CCDC47: variants seen among roughly 807,000 people sequenced by gnomAD.
CCDC47 encodes PAT complex subunit CCDC47.
CCDC47 carries 41 observed loss-of-function variants against 60.5 expected under a neutral mutation model. The observed-to-expected ratio is 0.68, with a 90% CI of 0.53 to 0.88. The LOEUF is 0.88. CCDC47 is among the 40% of genes least tolerant of loss of function. CCDC47 has a pLI of 0.00. For synonymous variants in CCDC47, 195 were observed against 190.7 expected (o/e 1.02, Z -0.18); for missense variants, 513 against 580.9 (o/e 0.88, Z 1.20).
chr17:63,765,123 C>CACAG (rs2039288228), intron 2 of CCDC47: 1 of 139,586 alleles, frequency 7.2e-6, no homozygotes. Flanking sequence ...ATTCTCACCA[C>CACAG]ACACACACAC....
At chr17:63,770,141 T>G (rs1358075362) in intron 1 of CCDC47, among the ~76,000 whole-genome samples, 1 of 151,956 alleles carries the variant, frequency 6.6e-6, no homozygotes, top group Non-Finnish European at 1.5e-5. Flanking sequence ...TTTTGTAGTT[T>G]AAGTACAGAT....
intron 9 of CCDC47, chr17:63,753,065 C>T: frequency 2.2e-6 from 1 of 451,394 alleles, no homozygotes; most frequent in Non-Finnish European, 2.9e-6. Context: ...TATTCCATCT[C>T]ACCTGGGGAG....
chr17:63,752,186 TA>T, intron 11 of CCDC47, 79 bp from the exon 12 acceptor site: 1 of 1,528,354 alleles, frequency 6.5e-7, no homozygotes, highest in Non-Finnish European at 9.0e-7. Flanking sequence ...CATTCTTTCA[TA>T]AAACTACTCC....
In CCDC47 at chr17:63,756,463, A is replaced by T; in HGVS notation, c.837+6T>A. The T allele has an allele frequency of 6.2e-7, 1 of 1,611,950 alleles. No homozygotes were observed. The highest frequency in any genetic ancestry group is 8.5e-7 in the Non-Finnish European group (1 of 1,177,984). On this transcript the variant is annotated splice_donor_region_variant and intron_variant, in intron 7 of 12. Coordinates refer to ENST00000225726, the MANE Select transcript of CCDC47 (RefSeq NM_020198.3). ...CGTATATTTGAGTTGGAGCAACCTG[A>T]CATACCAAATCCTGCATCTCTTTCT...
At chr17:63,756,173 A>T (rs1298945676) in intron 8 of CCDC47, 67 bp downstream of exon 8, 1 of 1,021,940 alleles carries the variant, frequency 9.8e-7, no homozygotes, top group Middle Eastern at 2.2e-4. Context: ...TTGTACAATG[A>T]GACTTTTAGG....
intron 1 of CCDC47, among the ~76,000 whole-genome samples, chr17:63,768,732 TA>T (rs1207458180): frequency 6.6e-6 from 1 of 150,896 alleles, no homozygotes; most frequent in Admixed American, 6.6e-5. Flanking sequence ...CCCAAGTAAT[TA>T]AAAAAAAATT....
intron 12 of CCDC47, chr17:63,747,898 A>ATGGG (rs2039132560): frequency 1.9e-6 from 1 of 537,246 alleles, no homozygotes; most frequent in African/African-American, 2.1e-5. Flanking sequence ...TGTGTCACCC[A>ATGGG]GGCTGGAGTG....
chr17:63,755,190 T>A (rs1246056258), intron 8 of CCDC47: 1 of 528,258 alleles, frequency 1.9e-6, no homozygotes, highest in African/African-American at 2.1e-5. Context: ...TAGTCCTGAA[T>A]CCCTGGACTC....
chr17:63,767,994 G>C (rs1304513977), intron 1 of CCDC47, among the ~76,000 whole-genome samples: 1 of 152,052 alleles, frequency 6.6e-6, no homozygotes. Context: ...ACCTGCTGAA[G>C]AGCCACCATA....
At chr17:63,750,777 C>CG (rs1159178115) in intron 12 of CCDC47, among the ~76,000 whole-genome samples, 1 of 151,774 alleles carries the variant, frequency 6.6e-6, no homozygotes, top group African/African-American at 2.4e-5. Flanking sequence ...TTAGTAGAGA[C>CG]GGGGTTTCAG....
intron 8 of CCDC47, chr17:63,755,395 G>T: frequency 1.8e-6 from 1 of 567,770 alleles, no homozygotes; most frequent in Non-Finnish European, 2.2e-6. Flanking sequence ...CAAGGTGGGT[G>T]GATCACTTGA....
At chr17:63,753,786 T>C (rs556840470) in intron 9 of CCDC47, 1 of 177,656 alleles carries the variant, frequency 5.6e-6, no homozygotes, top group South Asian at 1.9e-4. Context: ...AAGTCAAACA[T>C]CACACACAAA....
In CCDC47 at chr17:63,746,804, A is replaced by G; in HGVS notation, c.*77T>C. ...ACTGTCTGAAATTTAAGGTTGAGAA[A>G]TGGACTGGCGTTTTTCATGTTTCCT... is the stretch of plus-strand genomic sequence containing the variant. On this transcript the variant is annotated 3_prime_UTR_variant, in exon 13 of 13. Transcript: ENST00000225726. 1 of 1,059,070 alleles carries G rather than the reference A, an allele frequency of 9.4e-7. No homozygotes were observed. The highest frequency in any genetic ancestry group is 2.4e-5 in the East Asian group (1 of 42,152). 65.6% of individuals were successfully genotyped at this position (1,059,070 alleles called of 1,614,324 possible). A position where few individuals can be genotyped will look rare whatever the true frequency, so the allele number is the denominator to read the frequency against.
intron 12 of CCDC47, chr17:63,747,825 T>TG: frequency 1.0e-6 from 1 of 981,426 alleles, no homozygotes; most frequent in East Asian, 1.1e-4. Context: ...TGTAAATTCC[T>TG]GGTTTGGGAA....
At position 63,752,121 on chromosome 17, in the gene CCDC47, C is replaced by G; in HGVS notation, c.1204-14G>C. On this transcript the variant is annotated splice_polypyrimidine_tract_variant and intron_variant, in intron 11 of 12. Coordinates refer to ENST00000225726, the MANE Select transcript of CCDC47 (RefSeq NM_020198.3). The stretch of plus-strand genomic sequence containing the variant: ...TTTTTGTTTGCCCTTCCCCAAGAAA[C>G]AAAGTATTTCATAAGAAATCCATTT... 3 of 1,610,264 alleles carry G rather than the reference C, an allele frequency of 1.9e-6. No homozygotes were observed. Among genetic ancestry groups the G allele is most frequent in the Non-Finnish European group, 2.5e-6 (3 of 1,178,160 alleles).
intron 2 of CCDC47, 173 bp downstream of exon 2, chr17:63,765,739 C>T: frequency 7.1e-7 from 1 of 1,400,962 alleles, no homozygotes; most frequent in South Asian, 1.6e-5. Context: ...ACAATTCATT[C>T]TGTTAATGTA....
intron 9 of CCDC47, among the ~76,000 whole-genome samples, chr17:63,753,903 C>T (rs1395142109): frequency 1.3e-5 from 2 of 151,994 alleles, no homozygotes; most frequent in African/African-American, 4.8e-5. Context: ...GTCAGGAGTT[C>T]GAGACCAGCC....
chr17:63,748,107 G>A (rs572797972), intron 12 of CCDC47, among the ~76,000 whole-genome samples: 1 of 147,690 alleles, frequency 6.8e-6, no homozygotes, highest in Non-Finnish European at 1.5e-5. Flanking sequence ...CACCGACTAT[G>A]GCCTCCCAAC....
intron 1 of CCDC47, among the ~76,000 whole-genome samples, chr17:63,773,211 C>T (rs549894217): frequency 9.2e-4 from 140 of 152,362 alleles, no homozygotes; most frequent in Non-Finnish European, 1.7e-3. Context: ...ATCAATACAT[C>T]CTAATGTCAT....
Sources: gnomAD v4.1 joint callset for allele counts (sites outside exome capture counted in the v4.1 genomes callset) on GRCh38, gnomAD v4.1.1 for gene constraint, MANE v1.5 for transcripts, NCBI Gene and HGNC (gene_info 2026-07-23, HGNC 2026-07-21) for gene names.